Variants in TECPR2 observed in about 807,000 individuals in gnomAD.
TECPR2 encodes tectonin beta-propeller repeat-containing protein 2.
Under a neutral mutation model 138.1 loss-of-function variants are expected in TECPR2, and 65 were observed. The observed-to-expected ratio is 0.47, with a 90% CI of 0.39 to 0.58. TECPR2 has a LOEUF of 0.58. Ranked by LOEUF, TECPR2 falls within the 20% of genes least tolerant of loss-of-function variation. TECPR2 has a pLI of 0.00. For missense variants in TECPR2, 1,553 were observed against 1,824.5 expected, an observed-to-expected ratio of 0.85 and a Z score of 2.71; for synonymous variants, 746 against 749.8, an observed-to-expected ratio of 0.99 and a Z score of 0.08.
At position 102,461,011 on chromosome 14, in the gene TECPR2, A is replaced by G. The variant is rs565432874; in HGVS notation, c.3641-4130A>G. On this transcript the variant is annotated intron_variant, in intron 16 of 19. Transcript: ENST00000359520. ...CGCCCAGCCTCAATTTTTTTTTTTT[A>G]AATACAGCTTCCCTCTTCTTTCTAC... 7.3e-5 allele frequency among the ~76,000 whole-genome samples: 11 copies of G among 151,600 alleles called. No homozygotes were observed. In the East Asian group the frequency reaches 2.1e-3, roughly 29 times the overall value.
At chr14:102,416,738 C>G (rs530485761) in intron 5 of TECPR2, among the ~76,000 whole-genome samples, 52 of 152,180 alleles carry the variant, frequency 3.4e-4, no homozygotes, top group African/African-American at 1.3e-3. Flanking sequence ...AATCCCAACA[C>G]TTTGGGAGGC....
At chr14:102,469,202 C>A (rs1236736094) in intron 17 of TECPR2, among the ~76,000 whole-genome samples, 1 of 152,194 alleles carries the variant, frequency 6.6e-6, no homozygotes, top group Non-Finnish European at 1.5e-5. Context: ...ATCTTCCAGT[C>A]TGTGAACATG....
chr14:102,398,356 AT>A (rs1888375685), intron 2 of TECPR2, among the ~76,000 whole-genome samples: 1 of 152,250 alleles, frequency 6.6e-6, no homozygotes, highest in Non-Finnish European at 1.5e-5. Flanking sequence ...CCTAAGGGTC[AT>A]CATCAAAGAG....
At chr14:102,479,731 G>A (rs1890844344) in intron 17 of TECPR2, among the ~76,000 whole-genome samples, 2 of 152,168 alleles carry the variant, frequency 1.3e-5, no homozygotes, top group South Asian at 2.1e-4. Flanking sequence ...TCTCCTTTTG[G>A]TGACTGGACC....
intron 8 of TECPR2, among the ~76,000 whole-genome samples, chr14:102,433,328 A>G (rs1889563723): frequency 6.6e-6 from 1 of 151,888 alleles, no homozygotes; most frequent in African/African-American, 2.4e-5. Flanking sequence ...GGAGGTCCAC[A>G]GTGTCTGTCC....
intron 17 of TECPR2, among the ~76,000 whole-genome samples, chr14:102,489,400 C>T (rs988300407): frequency 6.6e-6 from 1 of 151,714 alleles, no homozygotes; most frequent in East Asian, 1.9e-4. Flanking sequence ...GGGTGGGTCA[C>T]AAGGTCAGGA....
rs2139702888 is a variant in TECPR2 at position 102,414,695 on chromosome 14, T to C, written c.540T>C (p.Tyr180=). 2.5e-6 allele frequency: 4 copies of C among 1,614,262 alleles called. No individual in the cohort carries two copies. The highest frequency in any genetic ancestry group is 3.4e-6 in the Non-Finnish European group (4 of 1,180,044). Residue 180 remains tyrosine, a synonymous_variant, in exon 5 of 20, where the codon TAT becomes TAC. Transcript: ENST00000359520. The part of the protein sequence containing the change: ...EEPSSIVQLD[Y]SQKVLLVSTL... ...CATCTTCCATTGTGCAGCTGGATTA[T>C]AGCCAGAAAGTGCTGCTGGTCTCTA...
chr14:102,374,936 G>A (rs533419469), intron 1 of TECPR2, among the ~76,000 whole-genome samples: 17 of 152,342 alleles, frequency 1.1e-4, no homozygotes, highest in African/African-American at 3.8e-4. Context: ...GGGTGAGTGA[G>A]GCAGATATGG....
At chr14:102,494,483 C>T (rs1216280821) in intron 17 of TECPR2, among the ~76,000 whole-genome samples, 1 of 151,808 alleles carries the variant, frequency 6.6e-6, no homozygotes, top group African/African-American at 2.4e-5. Context: ...GCAGAGGTTG[C>T]AGTGAGCCAA....
intron 4 of TECPR2, among the ~76,000 whole-genome samples, chr14:102,409,521 A>T (rs1242491043): frequency 6.6e-6 from 1 of 151,482 alleles, no homozygotes; most frequent in Non-Finnish European, 1.5e-5. Flanking sequence ...CTGGTCTTGA[A>T]CTCCTGACCT....
chr14:102,440,686 T>A (rs910491538), intron 11 of TECPR2, 77 bp downstream of exon 11: 27 of 1,506,606 alleles, frequency 1.8e-5, no homozygotes, highest in Non-Finnish European at 2.1e-5. Context: ...GCTAGTAACA[T>A]GCTTACCACA....
rs1345700965 is a variant in TECPR2 at position 102,500,979 on chromosome 14, G to A, written c.*2722G>A. ...GCCAGCTCTGTAGAACTGCAGACCTGTGCTGTTTGATGCCTCCTCACTGTC... is the reference window on the plus strand; with the variant it reads ...GCCAGCTCTGTAGAACTGCAGACCTATGCTGTTTGATGCCTCCTCACTGTC... On this transcript the variant is annotated 3_prime_UTR_variant, in exon 20 of 20. Coordinates refer to ENST00000359520, the MANE Select transcript of TECPR2 (RefSeq NM_014844.5). 1 of 152,294 alleles carries A rather than the reference G, an allele frequency of 6.6e-6. No homozygotes were observed. The highest frequency in any genetic ancestry group is 2.4e-5 in the African/African-American group (1 of 41,472). 9.4% of individuals were successfully genotyped at this position (152,294 alleles called of 1,614,324 possible). A position where few individuals can be genotyped will look rare whatever the true frequency, so the allele number is the denominator to read the frequency against.
At chr14:102,464,502 A>T (rs1219371044) in intron 16 of TECPR2, among the ~76,000 whole-genome samples, 1 of 151,932 alleles carries the variant, frequency 6.6e-6, no homozygotes, top group African/African-American at 2.4e-5. Context: ...AACCGATCTC[A>T]GCCTCCCGAG....
rs1402559911 is a variant in TECPR2 at position 102,428,240 on chromosome 14, T to C, written c.952-10T>C. 3.5e-6 allele frequency: 5 copies of C among 1,441,048 alleles called. No individual in the cohort carries two copies. Among genetic ancestry groups the C allele is most frequent in the Non-Finnish European group, 4.6e-6 (5 of 1,095,972 alleles). 89.3% of individuals were successfully genotyped at this position (1,441,048 alleles called of 1,614,324 possible). A position where few individuals can be genotyped will look rare whatever the true frequency, so the allele number is the denominator to read the frequency against. On this transcript the variant is annotated splice_polypyrimidine_tract_variant and intron_variant, in intron 6 of 19. Coordinates refer to ENST00000359520, the MANE Select transcript of TECPR2 (RefSeq NM_014844.5). ...GTTTTTTGTTTTTTTTTTTTTTTTTTTTTTGACAGGCCACAGTTGCTGGTT... is the reference window on the plus strand; with the variant it reads ...GTTTTTTGTTTTTTTTTTTTTTTTTCTTTTGACAGGCCACAGTTGCTGGTT...
rs903893219 is a variant in TECPR2 at position 102,444,931 on chromosome 14, C to A, written c.2934-875C>A. ...TTGCACTCCAGCCTGGGTGACAGAG[C>A]AAGACTCCATCTCAAAAAACAGACA... is the stretch of plus-strand genomic sequence containing the variant. On this transcript the variant is annotated intron_variant, in intron 12 of 19. Transcript: ENST00000359520. Among the ~76,000 whole-genome samples, 22 of 152,246 alleles carry A rather than the reference C, an allele frequency of 1.4e-4. 1 individual carries two copies. Among genetic ancestry groups the A allele is most frequent in the African/African-American group, 4.8e-4 (20 of 41,538 alleles).
At chr14:102,388,303 C>G (rs1246275095) in intron 2 of TECPR2, among the ~76,000 whole-genome samples, 2 of 151,876 alleles carry the variant, frequency 1.3e-5, no homozygotes, top group Non-Finnish European at 2.9e-5. Context: ...AACAGTGACT[C>G]TTAGGGAAAA....
chr14:102,443,974 T>A lies in TECPR2; in HGVS notation c.2933+147T>A. 1 of 788,514 alleles carries A rather than the reference T, an allele frequency of 1.3e-6. No individual in the cohort carries two copies. The highest frequency in any genetic ancestry group is 1.8e-6 in the Non-Finnish European group (1 of 542,492). The allele number at this position is 788,514 out of a possible 1,614,324, so 48.8% of individuals were successfully genotyped here. A position where few individuals can be genotyped will look rare whatever the true frequency, so the allele number is the denominator to read the frequency against. ...TATAGGCTAAGCTTGAATCTCTGCC[T>A]AATTCTGACCGGCAAACTGGACGTT... On this transcript the variant is annotated intron_variant, in intron 12 of 19. Transcript: ENST00000359520. This position sits in a 1 kb window ranked among gnomAD's most constrained non-coding sequence, Gnocchi z 4.9.
At chr14:102,393,451 ACT>A (rs1419698460) in intron 2 of TECPR2, among the ~76,000 whole-genome samples, 2 of 152,194 alleles carry the variant, frequency 1.3e-5, no homozygotes, top group Non-Finnish European at 2.9e-5. Flanking sequence ...AATAACATTA[ACT>A]CAAGCTCATT....
Position 102,415,509 on chromosome 14 carries a change from T to C in TECPR2, c.638+716T>C, listed in dbSNP as rs1595112688. 6.6e-6 allele frequency among the ~76,000 whole-genome samples: 1 copy of C among 152,062 alleles called. No homozygotes were observed. Among genetic ancestry groups the C allele is most frequent in the Admixed American group, 6.6e-5 (1 of 15,262 alleles). ...CACCTGGGGAACCTGTAATTCATCA[T>C]CCCACCCTAGCCTGTAAAGCACTCT... On this transcript the variant is annotated intron_variant, in intron 5 of 19. Transcript: ENST00000359520. The surrounding 1 kb of genome is among the most constrained non-coding windows in gnomAD (Gnocchi z 4.3).
Sources: gnomAD v4.1 joint callset for allele counts (sites outside exome capture counted in the v4.1 genomes callset) on GRCh38, gnomAD v4.1.1 for gene constraint, Gnocchi (gnomAD v3.1) non-coding constraint, MANE v1.5 for transcripts, NCBI Gene and HGNC (gene_info 2026-07-23, HGNC 2026-07-21) for gene names.